Variants in MPPED2 observed in about 807,000 individuals in gnomAD.
The protein encoded by MPPED2 is metallophosphoesterase MPPED2.
Under a neutral mutation model 33.0 loss-of-function variants are expected in MPPED2, and 5 were observed. The observed-to-expected ratio is 0.15, with a 90% CI of 0.08 to 0.32. The LOEUF (loss-of-function observed/expected upper bound fraction) is 0.32, where lower values mean the gene tolerates loss of function less well. MPPED2 is among the 10% of genes least tolerant of loss of function. MPPED2 has a pLI of 1.00. For missense variants in MPPED2, 275 were observed against 372.1 expected (o/e 0.74, Z 2.15); for synonymous variants, 136 against 141.9 (o/e 0.96, Z 0.29).
At chr11:30,467,891 A>T (rs1258849384) in intron 4 of MPPED2, among the ~76,000 whole-genome samples, 1 of 152,144 alleles carries the variant, frequency 6.6e-6, no homozygotes, top group Non-Finnish European at 1.5e-5. Context: ...TTTATTCAGA[A>T]TCCTTAGCTC....
At chr11:30,491,922 G>A (rs1458437598) in intron 4 of MPPED2, among the ~76,000 whole-genome samples, 2 of 152,066 alleles carry the variant, frequency 1.3e-5, no homozygotes, top group Non-Finnish European at 2.9e-5. Context: ...CCAATGGATG[G>A]GGCAAAAATC....
In MPPED2 at chr11:30,495,427, G is replaced by A. The variant is rs1279770190; in HGVS notation, c.405C>T (p.Tyr135=). Residue 135 remains tyrosine (Y), a synonymous_variant, in exon 4 of 7, where the codon TAC becomes TAT. Transcript: ENST00000358117. ...EFMADLVKQD[Y]YRFPSVSKLK... ...ATTTGGACACAGAGGGGAAACGGTA[G>A]TAGTCCTGTTTAACAAGGTCTGCCA... 6.2e-7 allele frequency: 1 copy of A among 1,613,986 alleles called. No homozygotes were observed. Among genetic ancestry groups the A allele is most frequent in the South Asian group, 1.1e-5 (1 of 91,074 alleles).
At chr11:30,416,258 CTCT>C (rs1180631055) in intron 5 of MPPED2, among the ~76,000 whole-genome samples, 5 of 152,232 alleles carry the variant, frequency 3.3e-5, no homozygotes, top group Non-Finnish European at 7.3e-5. Context: ...ACAGAGCTGG[CTCT>C]TCTTTTCTTG....
At chr11:30,406,867 T>C (rs551954031), downstream of MPPED2, among the ~76,000 whole-genome samples, 157 of 152,316 alleles carry the variant, frequency 1.0e-3, 1 homozygote, top group African/African-American at 3.5e-3. Context: ...TTAATTCACT[T>C]TTGTTTAATA....
chr11:30,454,336 C>T (rs1950188648), intron 4 of MPPED2, among the ~76,000 whole-genome samples: 1 of 152,066 alleles, frequency 6.6e-6, no homozygotes, highest in Admixed American at 6.5e-5. Flanking sequence ...CGGGCTACAG[C>T]CATAACCACG....
intron 3 of MPPED2, among the ~76,000 whole-genome samples, chr11:30,501,076 C>G (rs969038933): frequency 6.6e-6 from 1 of 152,192 alleles, no homozygotes; most frequent in Non-Finnish European, 1.5e-5. Flanking sequence ...AATACTGCTT[C>G]TAAAGTATGG....
rs1400112403 is a variant in MPPED2 at position 30,415,424 on chromosome 11, T to C, written c.653-1083A>G. Among the ~76,000 whole-genome samples the C allele has an allele frequency of 2.6e-5, 4 of 152,328 alleles. No individual in the cohort carries two copies. In the South Asian group the frequency reaches 6.2e-4, roughly 24 times the overall value. ...TTTCCTGAAGGGGGAAAATATTCCATTTCATATGCAAACATCTGAGAAAGC... is the reference window on the plus strand; with the variant it reads ...TTTCCTGAAGGGGGAAAATATTCCACTTCATATGCAAACATCTGAGAAAGC... On this transcript the variant is annotated intron_variant, in intron 5 of 6. Coordinates refer to ENST00000358117, the MANE Select transcript of MPPED2 (RefSeq NM_001584.3).
At chr11:30,567,509 C>A (rs768400918) in intron 2 of MPPED2, among the ~76,000 whole-genome samples, 1 of 151,928 alleles carries the variant, frequency 6.6e-6, no homozygotes, top group Non-Finnish European at 1.5e-5. Flanking sequence ...TTTCCAGCTC[C>A]CAATCTCCTC....
chr11:30,544,547 C>T (rs1203759007), intron 2 of MPPED2, among the ~76,000 whole-genome samples: 1 of 152,196 alleles, frequency 6.6e-6, no homozygotes, highest in Non-Finnish European at 1.5e-5. Context: ...TACGAACATG[C>T]CTGGTAGCTG....
At chr11:30,560,518 A>T (rs1043356308) in intron 2 of MPPED2, among the ~76,000 whole-genome samples, 4 of 152,144 alleles carry the variant, frequency 2.6e-5, no homozygotes, top group Non-Finnish European at 5.9e-5. Context: ...CCAATATCTT[A>T]GCTTATTCTA....
intron 6 of MPPED2, among the ~76,000 whole-genome samples, chr11:30,398,019 A>G (rs1457155076): frequency 6.6e-6 from 1 of 152,070 alleles, no homozygotes; most frequent in Admixed American, 6.6e-5. Context: ...CATTTCTCCA[A>G]TTTGTAGGAA....
exon 7 of MPPED2, chr11:30,384,900 G>T (rs1306007355): frequency 6.6e-6 from 1 of 152,170 alleles, no homozygotes; most frequent in Non-Finnish European, 1.5e-5. Flanking sequence ...TTTCTTGATT[G>T]CTAATTCCAT....
chr11:30,419,829 C>A (rs973823837), intron 4 of MPPED2, among the ~76,000 whole-genome samples: 2 of 152,128 alleles, frequency 1.3e-5, no homozygotes, highest in African/African-American at 4.8e-5. Context: ...TGAGAAACCA[C>A]CACAAAGAAA....
chr11:30,476,690 TA>T lies in MPPED2; in HGVS notation c.536+18605del, dbSNP rs573512370. ...TCAGATAGTACAGTCCATCAACTTT[TA>T]TTTTTTTATACTCACTTTGACTATT... On this transcript the variant is annotated intron_variant, in intron 4 of 6. Transcript: ENST00000358117. Among the ~76,000 whole-genome samples, 296 of 152,174 alleles carry T rather than the reference TA, an allele frequency of 1.9e-3. 3 individuals carry two copies. Among genetic ancestry groups the T allele is most frequent in the African/African-American group, 7.0e-3 (291 of 41,548 alleles).
chr11:30,432,932 G>T (rs1333535529), intron 4 of MPPED2, among the ~76,000 whole-genome samples: 1 of 152,196 alleles, frequency 6.6e-6, no homozygotes, highest in African/African-American at 2.4e-5. Flanking sequence ...AACATACAAT[G>T]TTAGAACAAT....
chr11:30,411,638 G>GGAAT lies in MPPED2; in HGVS notation c.767-56_767-53dup, dbSNP rs749887512. 9 of 1,501,056 alleles carry GGAAT rather than the reference G, an allele frequency of 6.0e-6. No homozygotes were observed. The African/African-American group carries it at 1.2e-4, about 21-fold the overall frequency. 93.0% of individuals were successfully genotyped at this position (1,501,056 alleles called of 1,614,324 possible). ...TGTAATATATACAAATGAGAGTGAT[G>GGAAT]GAATGTAGGGCTGTCAGGCAAGGAA... On this transcript the variant is annotated intron_variant, in intron 6 of 6. Coordinates refer to ENST00000358117, the MANE Select transcript of MPPED2 (RefSeq NM_001584.3).
intron 4 of MPPED2, among the ~76,000 whole-genome samples, chr11:30,485,414 G>T (rs148431374): frequency 4.6e-4 from 16 of 34,770 alleles, no homozygotes; most frequent in African/African-American, 9.1e-4. Context: ...CATAACATGT[G>T]TAACAAGGTA....
intron 3 of MPPED2, among the ~76,000 whole-genome samples, chr11:30,513,364 A>G (rs1279578904): frequency 1.3e-5 from 2 of 152,168 alleles, no homozygotes; most frequent in Non-Finnish European, 2.9e-5. Flanking sequence ...TTGTTTCAAG[A>G]GGTCTAGCCA....
chr11:30,518,253 G>C (rs556102482), intron 3 of MPPED2, among the ~76,000 whole-genome samples: 64 of 152,310 alleles, frequency 4.2e-4, no homozygotes, highest in African/African-American at 1.3e-3. Context: ...ACAGCAGCCA[G>C]GGGCTGTCTC....
Sources: gnomAD v4.1 joint callset for allele counts (sites outside exome capture counted in the v4.1 genomes callset) on GRCh38, gnomAD v4.1.1 for gene constraint, MANE v1.5 for transcripts, NCBI Gene and HGNC (gene_info 2026-07-23, HGNC 2026-07-21) for gene names.